Variants in TTLL6 observed in about 807,000 individuals in gnomAD.
TTLL6 encodes tubulin polyglutamylase TTLL6.
TTLL6 carries 75 observed loss-of-function variants against 96.4 expected under a neutral mutation model. That is an observed-to-expected ratio of 0.78 (90% CI 0.65 to 0.94). TTLL6 has a LOEUF of 0.94. TTLL6 is among the 40% of genes least tolerant of loss of function. The pLI is 0.00. For missense variants in TTLL6, 1,030 were observed against 1,093.0 expected, an observed-to-expected ratio of 0.94 and a Z score of 0.81; for synonymous variants, 411 against 419.4, an observed-to-expected ratio of 0.98 and a Z score of 0.24.
chr17:48,786,944 C>G (rs1277823333), intron 11 of TTLL6, among the ~76,000 whole-genome samples: 1 of 151,512 alleles, frequency 6.6e-6, no homozygotes, highest in Non-Finnish European at 1.5e-5. Context: ...AATTCTCTGC[C>G]TCAGCCTCCA....
Position 48,799,616 on chromosome 17 carries a change from C to T in TTLL6, c.756G>A (p.Leu252=), listed in dbSNP as rs577555919. 1 of 1,551,844 alleles carries T rather than the reference C, an allele frequency of 6.4e-7. No individual in the cohort carries two copies. The highest frequency in any genetic ancestry group is 1.4e-5 in the African/African-American group (1 of 73,168). Residue 252 remains leucine, a synonymous_variant, in exon 6 of 16, where the codon CTG becomes CTA. Coordinates refer to ENST00000393382, the MANE Select transcript of TTLL6 (RefSeq NM_001130918.3). ...AATGAGGAAGTACCTTTGAAATATA[C>T]AGCTGACAGATCATATCCTCCCCTG... is the stretch of plus-strand genomic sequence containing the variant. The part of the protein sequence containing the change: ...IKPGEDMICQ[L]YISKPFIIDG...
Position 48,769,050 on chromosome 17 carries a change from T to C in TTLL6, c.2615A>G (p.Gln872Arg). 1 of 1,614,186 alleles carries C rather than the reference T, an allele frequency of 6.2e-7. No homozygotes were observed. Among genetic ancestry groups the C allele is most frequent in the Non-Finnish European group, 8.5e-7 (1 of 1,179,994 alleles). Reference sequence around the variant, plus strand: ...GCAATGGCTGTATGCTTCTTGATCCTGCATACATGGGTCCCTCATAGCACT... The same window carrying C: ...GCAATGGCTGTATGCTTCTTGATCCCGCATACATGGGTCCCTCATAGCACT... ...HASAMRDPCM[Q>R]DQEAYSHCLI... The change falls in exon 15 of 16, where the codon CAG (glutamine) becomes CGG (arginine). Residue 872 changes from glutamine to arginine, a missense_variant. Coordinates refer to ENST00000393382, the MANE Select transcript of TTLL6 (RefSeq NM_001130918.3).
In TTLL6 at chr17:48,801,547, A is replaced by AC. The variant is rs761689801; in HGVS notation, c.457dup (p.Val153GlyfsTer18). 1.3e-6 allele frequency: 2 copies of AC among 1,551,832 alleles called. No individual in the cohort carries two copies. The highest frequency in any genetic ancestry group is 2.4e-5 in the South Asian group (2 of 84,050). Reference sequence around the variant, plus strand: ...TACCTGGTAACTTTTCATTTCCATCACCCGCTCCAGTGACACTGAGTAATC... The same window carrying AC: ...TACCTGGTAACTTTTCATTTCCATCACCCCGCTCCAGTGACACTGAGTAATC... On this transcript the variant is annotated frameshift_variant, in exon 4 of 16. Coordinates refer to ENST00000393382, the MANE Select transcript of TTLL6 (RefSeq NM_001130918.3). LOFTEE classifies it high-confidence loss of function.
chr17:48,812,064 A>ACCCCCCCCCCCCCCCCCCCC (rs56757071), intron 1 of TTLL6: 5 of 76,192 alleles, frequency 6.6e-5, no homozygotes, highest in Non-Finnish European at 1.2e-4. Context: ...TGATGCTGGG[A>ACCCCCCCCCCCCCCCCCCCC]CCCCCCCCCC....
At chr17:48,792,054 C>G (rs892962578) in intron 8 of TTLL6, among the ~76,000 whole-genome samples, 2 of 152,130 alleles carry the variant, frequency 1.3e-5, no homozygotes, top group Admixed American at 1.3e-4. Flanking sequence ...TCTAGGGACA[C>G]TAATGACACA....
At chr17:48,801,122 C>T in intron 5 of TTLL6, 133 bp downstream of exon 5, 1 of 794,784 alleles carries the variant, frequency 1.3e-6, no homozygotes, top group Non-Finnish European at 2.0e-6. Flanking sequence ...TTTATCCCTT[C>T]TCTTCCTGAA....
At position 48,804,911 on chromosome 17, in the gene TTLL6, T is replaced by C. The variant is rs1484227777; in HGVS notation, c.184A>G (p.Asn62Asp). Residue 62 changes from asparagine (N) to aspartate (D), a missense_variant, in exon 2 of 16, where the codon AAC becomes GAC. Transcript: ENST00000393382. ...CPTLESQEGE[N>D]SEEKGDSSKE... Reference sequence around the variant, plus strand: ...GAACTGTCCCCCTTCTCTTCGGAGTTTTCCCCTTCCTGGCTTTCCAAAGTC... The same window carrying C: ...GAACTGTCCCCCTTCTCTTCGGAGTCTTCCCCTTCCTGGCTTTCCAAAGTC... 6 of 1,552,042 alleles carry C rather than the reference T, an allele frequency of 3.9e-6. No individual in the cohort carries two copies. Among genetic ancestry groups the C allele is most frequent in the Non-Finnish European group, 4.4e-6 (5 of 1,147,066 alleles).
At chr17:48,788,796 G>A (rs1010728411) in intron 10 of TTLL6, among the ~76,000 whole-genome samples, 4 of 152,092 alleles carry the variant, frequency 2.6e-5, no homozygotes, top group Admixed American at 6.6e-5. Flanking sequence ...CTACCTACCC[G>A]CTCCTTACAG....
intron 6 of TTLL6, 135 bp downstream of exon 6, chr17:48,799,469 C>A (rs187240156): frequency 2.2e-6 from 2 of 909,960 alleles, no homozygotes; most frequent in East Asian, 5.3e-5. Context: ...TTTGGTCTGA[C>A]AAAGTGCAAG....
At chr17:48,784,310 C>T (rs150831193) in intron 13 of TTLL6, among the ~76,000 whole-genome samples, 194 of 151,946 alleles carry the variant, frequency 1.3e-3, no homozygotes, top group Admixed American at 2.0e-3. Context: ...GAGGCCGAGG[C>T]GAGAGGATGG....
In TTLL6 at chr17:48,801,552, C is replaced by T; in HGVS notation, c.453G>A (p.Glu151=). The change falls in exon 4 of 16, where the codon GAG becomes GAA. Residue 151 remains glutamate (E), a synonymous_variant. Transcript: ENST00000393382. ...GGTAACTTTTCATTTCCATCACCCG[C>T]TCCAGTGACACTGAGTAATCTGTCC... ...LYWTDYSVSL[E]RVMEMKSYQK... is the part of the protein sequence containing the mutation. 1.3e-6 allele frequency: 2 copies of T among 1,551,994 alleles called. No individual in the cohort carries two copies. The highest frequency in any genetic ancestry group is 1.7e-6 in the Non-Finnish European group (2 of 1,147,060).
chr17:48,812,063 G>C (rs2039601791), intron 1 of TTLL6: 1 of 36,036 alleles, frequency 2.8e-5, no homozygotes, highest in African/African-American at 1.2e-4. Context: ...GTGATGCTGG[G>C]ACCCCCCCCC....
In TTLL6 at chr17:48,769,834, G is replaced by A. The variant is rs78926010; in HGVS notation, c.2304C>T (p.Asn768=). ...TNWTLLKSDM[N]KPHLISELLT... is the part of the protein sequence containing the mutation. The stretch of plus-strand genomic sequence containing the variant: ...GTAGCTCGGATATCAAATGTGGCTT[G>A]TTCATGTCACTCTTTAGCAAAGTCC... Residue 768 remains asparagine, a synonymous_variant, in exon 14 of 16, where the codon AAC becomes AAT. Transcript: ENST00000393382. 6.3e-7 allele frequency: 1 copy of A among 1,597,516 alleles called. No individual in the cohort carries two copies. The highest frequency in any genetic ancestry group is 8.5e-7 in the Non-Finnish European group (1 of 1,174,428).
chr17:48,816,988 C>G lies in TTLL6; in HGVS notation c.85G>C (p.Gly29Arg), dbSNP rs1240381361. The G allele has an allele frequency of 1.9e-6, 3 of 1,538,892 alleles. No homozygotes were observed. The highest frequency in any genetic ancestry group is 1.7e-6 in the Non-Finnish European group (2 of 1,144,110). Residue 29 changes from glycine to arginine, a missense_variant, in exon 1 of 16, where the codon GGG becomes CGG. Coordinates refer to ENST00000393382, the MANE Select transcript of TTLL6 (RefSeq NM_001130918.3). ...CTCTTACCCGCAATTCCTACTCCCC[C>G]GTCTCGCCCCGCTGGGCTGCTAGTC... ...SWTSSPAGRD[G>R]GVGIAGAWYF...
At chr17:48,795,701 C>T (rs1400914863) in intron 8 of TTLL6, among the ~76,000 whole-genome samples, 1 of 152,162 alleles carries the variant, frequency 6.6e-6, no homozygotes, top group Non-Finnish European at 1.5e-5. Context: ...CTGGCAAGTC[C>T]TTCTCACGTG....
rs73985900 is a variant in TTLL6 at position 48,788,421 on chromosome 17, T to C, written c.1401-422A>G. Among the ~76,000 whole-genome samples, 1,504 of 152,326 alleles carry C rather than the reference T, an allele frequency of 9.9e-3. 31 individuals are homozygous for C. In the South Asian group the frequency reaches 0.1, roughly 10 times the overall value. ...GATGACCGTTTACGAGCTGCAATGA[T>C]CTCATTCTTCCTCACAGCCCCCTGG... On this transcript the variant is annotated intron_variant, in intron 10 of 15. Coordinates refer to ENST00000393382, the MANE Select transcript of TTLL6 (RefSeq NM_001130918.3).
intron 10 of TTLL6, 79 bp downstream of exon 10, chr17:48,789,852 C>T (rs1405605402): frequency 2.2e-5 from 32 of 1,465,062 alleles, no homozygotes; most frequent in African/African-American, 2.8e-5. Context: ...CCACTGCACC[C>T]GGCCCAGGAC....
chr17:48,775,889 T>C (rs2038860970), intron 13 of TTLL6, among the ~76,000 whole-genome samples: 1 of 151,956 alleles, frequency 6.6e-6, no homozygotes, highest in African/African-American at 2.4e-5. Context: ...GGAATAGAAG[T>C]GACCTTTTTC....
rs746768335 is a variant in TTLL6 at position 48,786,255 on chromosome 17, G to A, written c.1670C>T (p.Ser557Leu). ...CTTCTTTCTCACTTGCTCGCCTGCCGATTCCCCCTGCATCTCTACCTTCTT... is the reference window on the plus strand; with the variant it reads ...CTTCTTTCTCACTTGCTCGCCTGCCAATTCCCCCTGCATCTCTACCTTCTT... ...MKKKVEMQGE[S>L]AGEQVRKKGM... Residue 557 changes from serine (S) to leucine (L), a missense_variant, in exon 12 of 16, where the codon TCG (serine) becomes TTG (leucine). Ser to Leu is a moderately radical substitution (Grantham distance 145). Transcript: ENST00000393382. 24 of 1,614,026 alleles carry A rather than the reference G, an allele frequency of 1.5e-5. No individual in the cohort carries two copies. Among genetic ancestry groups the A allele is most frequent in the African/African-American group, 1.3e-4 (10 of 74,898 alleles).
Sources: gnomAD v4.1 joint callset for allele counts (sites outside exome capture counted in the v4.1 genomes callset) on GRCh38, gnomAD v4.1.1 for gene constraint, MANE v1.5 for transcripts, NCBI Gene and HGNC (gene_info 2026-07-23, HGNC 2026-07-21) for gene names.